The following NCAM1 variants were observed in gnomAD, a reference collection of about 807,000 sequenced individuals.
NCAM1 encodes neural cell adhesion molecule 1.
Under a neutral mutation model 109.8 loss-of-function variants are expected in NCAM1, and 14 were observed. That is an observed-to-expected ratio of 0.13 (90% CI 0.08 to 0.20). The LOEUF is 0.20. NCAM1 is among the 10% of genes least tolerant of loss of function. The pLI, the probability that NCAM1 is intolerant of heterozygous loss-of-function variation, is 1.00. For missense variants in NCAM1, 774 were observed against 1,109.9 expected (o/e 0.70, Z 4.30); for synonymous variants, 418 against 442.9 (o/e 0.94, Z 0.70).
chr11:113,207,433 A>G, intron 6 of NCAM1, 55 bp downstream of exon 6: 3 of 1,422,134 alleles, frequency 2.1e-6, no homozygotes, highest in Non-Finnish European at 2.0e-6. Flanking sequence ...GGGGCATCAC[A>G]AAGTCTGCTC....
intron 1 of NCAM1, among the ~76,000 whole-genome samples, chr11:113,131,816 A>G (rs1177171829): frequency 1.3e-5 from 2 of 152,202 alleles, no homozygotes; most frequent in Admixed American, 1.3e-4. Context: ...TCCACCCATA[A>G]TCCCCTGGCC....
chr11:112,984,257 A>G (rs1363837745), intron 1 of NCAM1, among the ~76,000 whole-genome samples: 1 of 151,974 alleles, frequency 6.6e-6, no homozygotes, highest in Non-Finnish European at 1.5e-5. Context: ...AAGGCTGAAT[A>G]ATATTCATAT....
chr11:113,211,691 G>C (rs571721831), intron 7 of NCAM1, among the ~76,000 whole-genome samples: 1 of 152,296 alleles, frequency 6.6e-6, no homozygotes, highest in South Asian at 2.1e-4. Flanking sequence ...GAGGGTTACA[G>C]CTAAGGACAA....
intron 1 of NCAM1, among the ~76,000 whole-genome samples, chr11:113,163,673 C>T (rs1476676640): frequency 2.0e-5 from 3 of 151,996 alleles, no homozygotes; most frequent in African/African-American, 4.8e-5. Context: ...TGTTGAGGAG[C>T]GTTCTGCTTG....
chr11:113,011,591 C>T (rs960439719), intron 1 of NCAM1, among the ~76,000 whole-genome samples: 9 of 152,206 alleles, frequency 5.9e-5, no homozygotes, highest in Middle Eastern at 3.4e-3. Flanking sequence ...AGTGTAAAAG[C>T]GTTCCTATTT....
At chr11:113,092,390 T>C (rs1175560844) in intron 1 of NCAM1, among the ~76,000 whole-genome samples, 1 of 152,162 alleles carries the variant, frequency 6.6e-6, no homozygotes, top group African/African-American at 2.4e-5. Flanking sequence ...AAACTAATAG[T>C]TGCCAGTGCT....
intron 1 of NCAM1, among the ~76,000 whole-genome samples, chr11:113,128,397 G>A (rs1941261071): frequency 6.6e-6 from 1 of 152,220 alleles, no homozygotes; most frequent in African/African-American, 2.4e-5. Context: ...ATTAGAAAGT[G>A]TCCTGCACAT....
In NCAM1 at chr11:113,173,591, G is replaced by GATATATATATATATATATATAT. The variant is rs5794851; in HGVS notation, c.53-28773_53-28752dup. ...TATGACTAATATTAGCATGTTACCTGATATATATATATATATATATATATA... is the reference window on the plus strand; with the variant it reads ...TATGACTAATATTAGCATGTTACCTGATATATATATATATATATATATATATATATATATATATATATATATA... On this transcript the variant is annotated intron_variant, in intron 1 of 19. Transcript: ENST00000316851. 1.9e-3 allele frequency among the ~76,000 whole-genome samples: 241 copies of GATATATATATATATATATATAT among 126,526 alleles called. 4 individuals are homozygous for GATATATATATATATATATATAT. The highest frequency in any genetic ancestry group is 2.6e-3 in the Non-Finnish European group (155 of 59,740). 83.0% of individuals were successfully genotyped at this position (126,526 alleles called of 152,430 possible).
intron 1 of NCAM1, among the ~76,000 whole-genome samples, chr11:113,156,947 G>T (rs1191870555): frequency 6.6e-6 from 1 of 152,198 alleles, no homozygotes; most frequent in East Asian, 1.9e-4. Flanking sequence ...CGTTAGACCT[G>T]TAGGTGATGG....
At chr11:113,026,815 A>G (rs557049115) in intron 1 of NCAM1, among the ~76,000 whole-genome samples, 1 of 152,190 alleles carries the variant, frequency 6.6e-6, no homozygotes, top group Non-Finnish European at 1.5e-5. Context: ...GCTGAGCTGG[A>G]CGTTTTAATC....
At chr11:113,025,539 A>C (rs1285156863) in intron 1 of NCAM1, among the ~76,000 whole-genome samples, 1 of 152,108 alleles carries the variant, frequency 6.6e-6, no homozygotes, top group Non-Finnish European at 1.5e-5. Flanking sequence ...GATGTTTCAA[A>C]TAGTAAGAAT....
At chr11:112,997,533 T>C (rs1167434748) in intron 1 of NCAM1, among the ~76,000 whole-genome samples, 1 of 152,160 alleles carries the variant, frequency 6.6e-6, no homozygotes, top group African/African-American at 2.4e-5. Context: ...ATCCAAATGA[T>C]AGGGTCATGA....
Position 113,195,478 on chromosome 11 carries a change from A to AC in NCAM1, c.53-6901_53-6900insC, listed in dbSNP as rs1555110668. On this transcript the variant is annotated intron_variant, in intron 1 of 19. Coordinates refer to ENST00000316851, the MANE Select transcript of NCAM1 (RefSeq NM_181351.5). ...CACCACACACACACACACACACACA[A>AC]ACACACCCCTTAGTAGATTTTTTTT... Among the ~76,000 whole-genome samples, 4 of 123,502 alleles carry AC rather than the reference A, an allele frequency of 3.2e-5. No homozygotes were observed. The East Asian group carries it at 1.0e-3, about 31-fold the overall frequency. The allele number at this position is 123,502 out of a possible 152,430, so 81.0% of individuals were successfully genotyped here. A position where few individuals can be genotyped will look rare whatever the true frequency, so the allele number is the denominator to read the frequency against.
At chr11:113,038,503 T>C (rs1167901451) in intron 1 of NCAM1, among the ~76,000 whole-genome samples, 1 of 152,228 alleles carries the variant, frequency 6.6e-6, no homozygotes, top group Non-Finnish European at 1.5e-5. Flanking sequence ...TCCCTACTGA[T>C]TCTAACCATC....
chr11:113,188,588 TGTCA>T (rs1472892643), intron 1 of NCAM1, among the ~76,000 whole-genome samples: 2 of 152,248 alleles, frequency 1.3e-5, no homozygotes, highest in African/African-American at 4.8e-5. Context: ...GTTTTAGAGC[TGTCA>T]GTCCAATTTG....
intron 1 of NCAM1, among the ~76,000 whole-genome samples, chr11:113,184,202 G>T (rs782712117): frequency 6.6e-6 from 1 of 152,200 alleles, no homozygotes; most frequent in African/African-American, 2.4e-5. Flanking sequence ...AAGAGCATCT[G>T]TCCTTGGGAC....
chr11:113,070,757 A>G (rs953880380), intron 1 of NCAM1, among the ~76,000 whole-genome samples: 1 of 152,162 alleles, frequency 6.6e-6, no homozygotes, highest in Admixed American at 6.5e-5. Flanking sequence ...CTCTATACTC[A>G]CTATAAAGGA....
At chr11:113,231,526 G>A (rs1243132250) in intron 9 of NCAM1, 119 bp from the exon 10 acceptor site, 2 of 1,085,472 alleles carry the variant, frequency 1.8e-6, no homozygotes, top group Admixed American at 4.6e-5. Context: ...GAGAGAGGAA[G>A]TGAGACGGGT....
intron 17 of NCAM1, chr11:113,264,285 C>T (rs1422568887): frequency 1.0e-6 from 1 of 985,228 alleles, no homozygotes; most frequent in Non-Finnish European, 1.2e-6. Flanking sequence ...ACTAGCCTTT[C>T]CCTTTGGGAT....
Sources: gnomAD v4.1 joint callset for allele counts (sites outside exome capture counted in the v4.1 genomes callset) on GRCh38, gnomAD v4.1.1 for gene constraint, MANE v1.5 for transcripts, NCBI Gene and HGNC (gene_info 2026-07-23, HGNC 2026-07-21) for gene names.